ADAM12: variants seen among roughly 807,000 people sequenced by gnomAD.
ADAM12 encodes the protein ADAM metallopeptidase domain 12.
A neutral mutation model predicts 106.4 loss-of-function variants in ADAM12; 70 were observed. That is an observed-to-expected ratio of 0.66 (90% CI 0.54 to 0.80). ADAM12 has a LOEUF of 0.80. ADAM12 is among the 30% of genes least tolerant of loss of function. ADAM12 has a pLI of 0.00. For synonymous variants in ADAM12, 420 were observed against 433.5 expected (o/e 0.97, Z 0.39); for missense variants, 1,010 against 1,171.9 (o/e 0.86, Z 2.02).
At chr10:126,081,701 G>A (rs2133529226) in intron 11 of ADAM12, among the ~76,000 whole-genome samples, 1 of 152,286 alleles carries the variant, frequency 6.6e-6, no homozygotes, top group African/African-American at 2.4e-5. Context: ...TCATTGCACT[G>A]AAGTGGAGGC....
At chr10:126,068,456 C>G (rs992364402) in intron 12 of ADAM12, among the ~76,000 whole-genome samples, 1 of 152,186 alleles carries the variant, frequency 6.6e-6, no homozygotes, top group Admixed American at 6.5e-5. Context: ...CCAAATGGCT[C>G]TGACTTCAAA....
intron 1 of ADAM12, among the ~76,000 whole-genome samples, chr10:126,367,730 T>C (rs1208039775): frequency 6.6e-6 from 1 of 151,984 alleles, no homozygotes; most frequent in Non-Finnish European, 1.5e-5. Context: ...AATACAGGCA[T>C]TAAGTGATAA....
intron 3 of ADAM12, among the ~76,000 whole-genome samples, chr10:126,189,189 C>T (rs962051216): frequency 9.9e-5 from 15 of 152,266 alleles, no homozygotes; most frequent in South Asian, 2.1e-4. Context: ...AGAGAAGGAT[C>T]ATGATGAAGG....
intron 3 of ADAM12, among the ~76,000 whole-genome samples, chr10:126,192,169 T>C (rs926321813): frequency 1.1e-4 from 17 of 152,218 alleles, no homozygotes; most frequent in South Asian, 2.1e-4. Context: ...ACTAGCTATG[T>C]GCCTTTGGGA....
chr10:126,071,507 T>C lies in ADAM12; in HGVS notation c.1293A>G (p.Glu431=), dbSNP rs1440560155. ...GCTCCCCACAGTCACACTCCTCTCC[T>C]TCTTCCACAAATCTGTTCCCACACT... is the stretch of plus-strand genomic sequence containing the variant. ...GQKCGNRFVE[E]GEECDCGEPE... is the part of the protein sequence containing the mutation. Residue 431 remains glutamate (E), a synonymous_variant, in exon 12 of 23, where the codon GAA becomes GAG. Transcript: ENST00000448723. 1 of 1,614,142 alleles carries C rather than the reference T, an allele frequency of 6.2e-7. No homozygotes were observed. Among genetic ancestry groups the C allele is most frequent in the African/African-American group, 1.3e-5 (1 of 75,030 alleles).
intron 11 of ADAM12, among the ~76,000 whole-genome samples, chr10:126,080,093 G>T (rs1955183511): frequency 6.6e-6 from 1 of 152,168 alleles, no homozygotes; most frequent in African/African-American, 2.4e-5. Context: ...GAAAAGTTCT[G>T]GTTGTGAACA....
At chr10:126,143,718 G>A (rs1400742506) in intron 4 of ADAM12, among the ~76,000 whole-genome samples, 1 of 151,868 alleles carries the variant, frequency 6.6e-6, no homozygotes, top group Non-Finnish European at 1.5e-5. Context: ...GTGTGTGTGG[G>A]TATGCATGTG....
At chr10:126,106,312 G>A (rs1233538128) in intron 8 of ADAM12, among the ~76,000 whole-genome samples, 2 of 151,976 alleles carry the variant, frequency 1.3e-5, no homozygotes, top group East Asian at 3.9e-4. Context: ...AAGAACAATA[G>A]TGTGTACCTG....
chr10:126,167,828 G>A (rs974730790), intron 3 of ADAM12, among the ~76,000 whole-genome samples: 1 of 152,198 alleles, frequency 6.6e-6, no homozygotes, highest in African/African-American at 2.4e-5. Context: ...GACAACTGGT[G>A]AGTCTTTAAA....
At chr10:126,070,179 T>C (rs1215624215) in intron 12 of ADAM12, among the ~76,000 whole-genome samples, 1 of 152,228 alleles carries the variant, frequency 6.6e-6, no homozygotes, top group Non-Finnish European at 1.5e-5. Context: ...TAAGTTTTCC[T>C]CTGCTAATCT....
intron 12 of ADAM12, among the ~76,000 whole-genome samples, chr10:126,067,233 C>G (rs1954889655): frequency 6.6e-6 from 1 of 152,174 alleles, no homozygotes; most frequent in Non-Finnish European, 1.5e-5. Flanking sequence ...AAAAATGAAC[C>G]TTTTTTGATT....
At chr10:126,234,481 C>T (rs1958376031) in intron 3 of ADAM12, among the ~76,000 whole-genome samples, 1 of 152,162 alleles carries the variant, frequency 6.6e-6, no homozygotes, top group Non-Finnish European at 1.5e-5. Context: ...GCTTAGAAAA[C>T]AGATCAGTTA....
At chr10:126,145,122 ATGT>A (rs1270067303) in intron 4 of ADAM12, among the ~76,000 whole-genome samples, 1 of 152,132 alleles carries the variant, frequency 6.6e-6, no homozygotes, top group Non-Finnish European at 1.5e-5. Context: ...ATTATGTCAT[ATGT>A]TGTTAGAATG....
intron 3 of ADAM12, among the ~76,000 whole-genome samples, chr10:126,232,597 C>A (rs2133627218): frequency 6.6e-6 from 1 of 152,318 alleles, no homozygotes; most frequent in Admixed American, 6.5e-5. Context: ...TCTCTTTGTT[C>A]TCCTCCTTCT....
chr10:126,357,189 A>C (rs535837691), intron 1 of ADAM12, among the ~76,000 whole-genome samples: 1 of 152,336 alleles, frequency 6.6e-6, no homozygotes, highest in South Asian at 2.1e-4. Context: ...ACTTAAAGAC[A>C]AAAAATTGTG....
chr10:126,206,335 T>C (rs1957793803), intron 3 of ADAM12, among the ~76,000 whole-genome samples: 1 of 152,278 alleles, frequency 6.6e-6, no homozygotes, highest in East Asian at 1.9e-4. Flanking sequence ...CCCAAAACGA[T>C]AGACGATTAA....
At chr10:126,354,356 C>T (rs1343243079) in intron 1 of ADAM12, among the ~76,000 whole-genome samples, 1 of 152,156 alleles carries the variant, frequency 6.6e-6, no homozygotes, top group African/African-American at 2.4e-5. Flanking sequence ...CTCTACCAAG[C>T]CTCAGCTTTC....
At chr10:126,273,653 T>C (rs10901580) in intron 3 of ADAM12, among the ~76,000 whole-genome samples, 62,872 of 152,040 alleles carry the variant, frequency 0.41, 15,231 homozygotes, top group Non-Finnish European at 0.54. Flanking sequence ...CTTGTGAGCA[T>C]TGAGATGTTT....
intron 3 of ADAM12, among the ~76,000 whole-genome samples, chr10:126,213,744 G>C (rs1030096279): frequency 2.6e-5 from 4 of 152,198 alleles, no homozygotes; most frequent in African/African-American, 9.7e-5. Context: ...GATGCCAAAA[G>C]CATTCAGACT....
Sources: gnomAD v4.1 joint callset for allele counts (sites outside exome capture counted in the v4.1 genomes callset) on GRCh38, gnomAD v4.1.1 for gene constraint, MANE v1.5 for transcripts, NCBI Gene and HGNC (gene_info 2026-07-23, HGNC 2026-07-21) for gene names.